KIF11: variants seen among roughly 807,000 people sequenced by gnomAD.
The protein encoded by KIF11 is kinesin family member 11, also known as kinesin-like protein KIF11.
KIF11 carries 9 observed loss-of-function variants against 121.0 expected under a neutral mutation model. The ratio of observed to expected loss-of-function variants is 0.07; its 90% CI spans 0.04 to 0.13. KIF11 has a LOEUF of 0.13. Ranked by LOEUF, KIF11 falls within the 10% of genes least tolerant of loss-of-function variation. The pLI is 1.00. For missense variants in KIF11, 846 were observed against 1,217.5 expected, an observed-to-expected ratio of 0.69 and a Z score of 4.54; for synonymous variants, 408 against 421.0, an observed-to-expected ratio of 0.97 and a Z score of 0.38.
intron 1 of KIF11, among the ~76,000 whole-genome samples, chr10:92,594,550 TA>T (rs1844270772): frequency 6.6e-6 from 1 of 152,246 alleles, no homozygotes; most frequent in Non-Finnish European, 1.5e-5. Flanking sequence ...AACCAGGCAA[TA>T]TTACCTTTTC....
intron 6 of KIF11, among the ~76,000 whole-genome samples, chr10:92,609,937 A>G (rs949860467): frequency 6.6e-6 from 1 of 152,104 alleles, no homozygotes; most frequent in Non-Finnish European, 1.5e-5. Context: ...TGGTTTCACC[A>G]TGTTGGCCAG....
At chr10:92,596,051 G>T (rs1312682662) in intron 1 of KIF11, among the ~76,000 whole-genome samples, 1 of 152,150 alleles carries the variant, frequency 6.6e-6, no homozygotes, top group Non-Finnish European at 1.5e-5. Flanking sequence ...GCCCAGGCTG[G>T]AGTGCAGTGG....
intron 17 of KIF11, among the ~76,000 whole-genome samples, chr10:92,644,699 G>A (rs1460133001): frequency 6.6e-6 from 1 of 152,090 alleles, no homozygotes; most frequent in African/African-American, 2.4e-5. Context: ...CCCACGTGGT[G>A]TACCATCTAG....
rs982552138 is a variant in KIF11 at position 92,621,434 on chromosome 10, G to A, written c.1178G>A (p.Arg393His). 5 of 1,613,198 alleles carry A rather than the reference G, an allele frequency of 3.1e-6. No homozygotes were observed. Among genetic ancestry groups the A allele is most frequent in the South Asian group, 1.1e-5 (1 of 91,038 alleles). ...ERLKRDLAAAREKNGVYISEE... is the reference protein window; with the variant it reads ...ERLKRDLAAAHEKNGVYISEE... ...TTAAAACGAGATCTTGCTGCAGCCC[G>A]TGAGAAAAATGGAGTGTATATTTCT... The change falls in exon 10 of 22, where the codon CGT becomes CAT. Residue 393 changes from arginine to histidine, a missense_variant. Physicochemically the swap from Arg to His is conservative, Grantham distance 29 (BLOSUM62 0). This residue lies in a region of KIF11 where 116 missense variants were observed against 285.3 expected (regional missense o/e 0.41). Transcript: ENST00000260731.
intron 1 of KIF11, among the ~76,000 whole-genome samples, chr10:92,594,402 C>G (rs536740622): frequency 6.6e-6 from 1 of 152,306 alleles, no homozygotes; most frequent in East Asian, 1.9e-4. Flanking sequence ...GGGTGGCAAT[C>G]TTAAGTCTAG....
At chr10:92,624,228 CTTT>C (rs201871020) in intron 10 of KIF11, among the ~76,000 whole-genome samples, 2 of 99,836 alleles carry the variant, frequency 2.0e-5, no homozygotes, top group Non-Finnish European at 2.0e-5. Flanking sequence ...TGATCTCATT[CTTT>C]TTTTTTTTTT....
chr10:92,598,034 A>C (rs1844320615), intron 1 of KIF11, among the ~76,000 whole-genome samples: 1 of 151,496 alleles, frequency 6.6e-6, no homozygotes, highest in South Asian at 2.1e-4. Context: ...TAGTCCTCCT[A>C]CCTCAGCCTT....
chr10:92,645,073 A>G (rs1376584073), intron 17 of KIF11, among the ~76,000 whole-genome samples: 1 of 152,234 alleles, frequency 6.6e-6, no homozygotes, highest in African/African-American at 2.4e-5. Flanking sequence ...TTGCCTAGTA[A>G]GAGGAATAAA....
At chr10:92,602,325 G>A (rs797016846) in intron 1 of KIF11, among the ~76,000 whole-genome samples, 39 of 152,290 alleles carry the variant, frequency 2.6e-4, no homozygotes, top group African/African-American at 9.4e-4. Context: ...GGAAAAGATT[G>A]AGAAGAACTG....
chr10:92,616,927 A>T, intron 9 of KIF11, 95 bp downstream of exon 9: 1 of 688,056 alleles, frequency 1.5e-6, no homozygotes, highest in Non-Finnish European at 2.5e-6. Context: ...AAGATTTGTT[A>T]AATTGCCCAT....
At chr10:92,646,998 G>C (rs893081599) in intron 18 of KIF11, among the ~76,000 whole-genome samples, 3 of 152,178 alleles carry the variant, frequency 2.0e-5, no homozygotes, top group Non-Finnish European at 2.9e-5. Context: ...TAAACCATTT[G>C]ATCAAAAGCT....
rs1844846062 is a variant in KIF11, at chr10:92,639,812, A to C, written c.2179A>C (p.Asn727His). 1 of 1,608,272 alleles carries C rather than the reference A, an allele frequency of 6.2e-7. No homozygotes were observed. Among genetic ancestry groups the C allele is most frequent in the Non-Finnish European group, 8.5e-7 (1 of 1,177,182 alleles). Residue 727 changes from asparagine (N) to histidine (H), a missense_variant, in exon 17 of 22, where the codon AAT becomes CAT. Around this residue, in one of 5 missense-constraint regions of KIF11, gnomAD observed 492 missense variants for 603.4 expected, o/e 0.82. Transcript: ENST00000260731. Reference sequence around the variant, plus strand: ...CTTACAGGAACTTTGCAAGTTAATGAATCTTTGGACAGAGAGATTCTGTGC... The same window carrying C: ...CTTACAGGAACTTTGCAAGTTAATGCATCTTTGGACAGAGAGATTCTGTGC... Reference protein sequence around the residue: ...THSQELCKLMNLWTERFCALE... With the variant: ...THSQELCKLMHLWTERFCALE...
chr10:92,596,249 C>T (rs559905335), intron 1 of KIF11, among the ~76,000 whole-genome samples: 1 of 152,290 alleles, frequency 6.6e-6, no homozygotes, highest in South Asian at 2.1e-4. Flanking sequence ...GTGATCTGCC[C>T]GCCTTGGCCT....
chr10:92,650,246 A>G (rs1421821745), intron 20 of KIF11, among the ~76,000 whole-genome samples, 155 bp from the exon 21 acceptor site: 2 of 152,204 alleles, frequency 1.3e-5, no homozygotes, highest in Non-Finnish European at 2.9e-5. Flanking sequence ...TATATTAGGA[A>G]TTATTTTCAT....
intron 8 of KIF11, among the ~76,000 whole-genome samples, chr10:92,616,464 G>T (rs1844558489): frequency 6.6e-6 from 1 of 151,936 alleles, no homozygotes; most frequent in Non-Finnish European, 1.5e-5. Context: ...CCTCCAAAGT[G>T]CTGGAATTAC....
chr10:92,627,495 GA>G (rs1196791466), intron 10 of KIF11, among the ~76,000 whole-genome samples: 1 of 151,976 alleles, frequency 6.6e-6, no homozygotes. Context: ...CTCTCCTTTT[GA>G]AAAATATAGC....
chr10:92,604,133 C>T (rs1425512251), intron 1 of KIF11, among the ~76,000 whole-genome samples: 1 of 152,116 alleles, frequency 6.6e-6, no homozygotes. Context: ...TTAGTGTGAG[C>T]AGCCGAAACT....
chr10:92,593,987 C>G (rs1045306263), intron 1 of KIF11, among the ~76,000 whole-genome samples: 3 of 152,136 alleles, frequency 2.0e-5, no homozygotes, highest in African/African-American at 7.2e-5. Context: ...TGCAGTTTTC[C>G]CTTTCATCTG....
intron 6 of KIF11, among the ~76,000 whole-genome samples, chr10:92,611,918 A>AT (rs775699969): frequency 6.0e-5 from 9 of 150,706 alleles, no homozygotes; most frequent in Admixed American, 2.0e-4. Context: ...AAGATACTTA[A>AT]TTTTTTTTTT....
Sources: allele counts gnomAD v4.1 joint callset (sites outside exome capture counted in the v4.1 genomes callset), GRCh38; gene constraint gnomAD v4.1.1; regional missense constraint gnomAD v4.1.1; transcripts MANE v1.5; gene names NCBI Gene and HGNC (gene_info 2026-07-23, HGNC 2026-07-21).